The following UGGT2 variants were observed in gnomAD, a reference collection of about 807,000 sequenced individuals.
The protein encoded by UGGT2 is UDP-glucose glycoprotein glucosyltransferase 2.
UGGT2 carries 180 observed loss-of-function variants against 192.1 expected under a neutral mutation model. That is an observed-to-expected ratio of 0.94 (90% CI 0.83 to 1.06). The LOEUF is 1.06. Among genes scored for constraint, UGGT2 ranks in the 50% least tolerant of loss-of-function variants. UGGT2 has a pLI of 0.00. For synonymous variants in UGGT2, 580 were observed against 591.0 expected, an observed-to-expected ratio of 0.98 and a Z score of 0.27; for missense variants, 1,849 against 1,795.7, an observed-to-expected ratio of 1.03 and a Z score of -0.54.
At chr13:95,925,534 T>C in intron 20 of UGGT2, 146 bp downstream of exon 20, 1 of 561,660 alleles carries the variant, frequency 1.8e-6, no homozygotes, top group South Asian at 4.8e-5. Flanking sequence ...AGTTACCTGT[T>C]TTACATGAAG....
intron 20 of UGGT2, among the ~76,000 whole-genome samples, chr13:95,920,813 T>G (rs1001659310): frequency 6.6e-5 from 10 of 152,250 alleles, no homozygotes; most frequent in Non-Finnish European, 1.2e-4. Flanking sequence ...AATTACCATT[T>G]GACCCAGCAA....
intron 12 of UGGT2, among the ~76,000 whole-genome samples, chr13:95,963,412 AAGGC>A (rs921550968): frequency 1.3e-5 from 2 of 152,164 alleles, no homozygotes; most frequent in Non-Finnish European, 2.9e-5. Flanking sequence ...GCATAATATA[AAGGC>A]CAGAAATGAC....
chr13:96,044,122 T>G (rs1229621051), intron 1 of UGGT2, among the ~76,000 whole-genome samples: 2 of 152,004 alleles, frequency 1.3e-5, no homozygotes, highest in African/African-American at 2.4e-5. Flanking sequence ...AGGCCACAAA[T>G]CAAACCTCAA....
At chr13:95,931,767 C>T (rs867423834) in intron 17 of UGGT2, among the ~76,000 whole-genome samples, 4 of 152,284 alleles carry the variant, frequency 2.6e-5, no homozygotes, top group East Asian at 3.9e-4. Flanking sequence ...ACCCGGAACT[C>T]GCGCTGGCCC....
At chr13:96,028,603 C>A (rs1467930547) in intron 2 of UGGT2, among the ~76,000 whole-genome samples, 2 of 152,066 alleles carry the variant, frequency 1.3e-5, no homozygotes, top group African/African-American at 4.8e-5. Flanking sequence ...CAATTCATTG[C>A]TTAAAAAGTC....
rs577539224 is a variant in UGGT2 at position 95,913,620 on chromosome 13, C to T, written c.2296-10560G>A. ...TGGAGAGGATGTGGAGAAATAGGAA[C>T]GCTTTTACACTGTTGGTGTGAGTGT... On this transcript the variant is annotated intron_variant, in intron 20 of 38. Transcript: ENST00000376747. Among the ~76,000 whole-genome samples the T allele has an allele frequency of 1.7e-4, 26 of 152,296 alleles. No homozygotes were observed. The South Asian group carries it at 3.1e-3, about 18-fold the overall frequency.
chr13:96,004,542 T>C (rs2051909805), intron 5 of UGGT2, among the ~76,000 whole-genome samples: 1 of 152,234 alleles, frequency 6.6e-6, no homozygotes, highest in African/African-American at 2.4e-5. Flanking sequence ...TAATAATTTA[T>C]TGTTTTAGGG....
At chr13:95,961,184 G>C (rs151010912) in intron 12 of UGGT2, among the ~76,000 whole-genome samples, 8 of 151,864 alleles carry the variant, frequency 5.3e-5, no homozygotes, top group African/African-American at 1.9e-4. Context: ...GAGAGAGAGA[G>C]AGAAACAGAG....
intron 36 of UGGT2, among the ~76,000 whole-genome samples, chr13:95,840,901 G>C (rs1264925102): frequency 6.6e-6 from 1 of 152,164 alleles, no homozygotes; most frequent in Non-Finnish European, 1.5e-5. Flanking sequence ...GTCCTTTGCA[G>C]GATATGGATG....
intron 38 of UGGT2, among the ~76,000 whole-genome samples, chr13:95,807,716 C>CTTT: frequency 0.036 from 2,861 of 78,642 alleles, 393 homozygotes; most frequent in African/African-American, 0.13. Context: ...CAGCCCTCAC[C>CTTT]TTTTTTTTTT....
intron 4 of UGGT2, among the ~76,000 whole-genome samples, chr13:96,018,690 A>C (rs1011198121): frequency 6.6e-5 from 10 of 152,000 alleles, no homozygotes; most frequent in African/African-American, 2.4e-4. Context: ...CAATGAGAAT[A>C]TCACATAGTA....
chr13:95,912,889 G>C (rs1324544373), intron 20 of UGGT2, among the ~76,000 whole-genome samples: 2 of 152,052 alleles, frequency 1.3e-5, no homozygotes, highest in Admixed American at 6.6e-5. Context: ...CCAAAACAGA[G>C]GTATAGACCA....
chr13:95,877,446 GA>G, intron 28 of UGGT2, 82 bp from the exon 29 acceptor site: 1 of 1,164,432 alleles, frequency 8.6e-7, no homozygotes, highest in South Asian at 1.6e-5. Context: ...AATGATCTAA[GA>G]AAGTATTTAT....
chr13:95,949,150 C>T (rs1283677141), intron 13 of UGGT2, among the ~76,000 whole-genome samples, 185 bp downstream of exon 13: 7 of 152,214 alleles, frequency 4.6e-5, no homozygotes, highest in African/African-American at 1.4e-4. Context: ...AGCATGAGAA[C>T]GGACTAATAC....
chr13:95,985,785 G>A (rs1720490370), intron 9 of UGGT2, among the ~76,000 whole-genome samples: 1 of 152,112 alleles, frequency 6.6e-6, no homozygotes, highest in South Asian at 2.1e-4. Flanking sequence ...CTATGCAAAT[G>A]TATTTCCTAT....
At chr13:95,971,157 G>A (rs969870287) in intron 11 of UGGT2, among the ~76,000 whole-genome samples, 50 of 152,290 alleles carry the variant, frequency 3.3e-4, no homozygotes, top group African/African-American at 1.2e-3. Context: ...GTAATGCAAT[G>A]ACTGAAAGGA....
chr13:95,952,647 C>T (rs2050102473), intron 12 of UGGT2, among the ~76,000 whole-genome samples: 1 of 152,048 alleles, frequency 6.6e-6, no homozygotes, highest in South Asian at 2.1e-4. Flanking sequence ...TATTTTGCAT[C>T]TATGATCTTA....
At position 95,904,468 on chromosome 13, in the gene UGGT2, C is replaced by A. The variant is rs918304372; in HGVS notation, c.2296-1408G>T. Among the ~76,000 whole-genome samples, 6 of 137,528 alleles carry A rather than the reference C, an allele frequency of 4.4e-5. No individual in the cohort carries two copies. The Admixed American group carries it at 4.4e-4, about 10-fold the overall frequency. The allele number at this position is 137,528 out of a possible 152,430, so 90.2% of individuals were successfully genotyped here. A position where few individuals can be genotyped will look rare whatever the true frequency, so the allele number is the denominator to read the frequency against. ...CCTCCCCCCCACCCCACAACAGTCC[C>A]CAGAGTGTGATGTTCCCCTTCCTGT... is the stretch of plus-strand genomic sequence containing the variant. On this transcript the variant is annotated intron_variant, in intron 20 of 38. Transcript: ENST00000376747.
At position 95,975,757 on chromosome 13, in the gene UGGT2, G is replaced by T. The variant is rs114848656; in HGVS notation, c.1093-3086C>A. Among the ~76,000 whole-genome samples, 1,165 of 152,182 alleles carry T rather than the reference G, an allele frequency of 7.7e-3. 16 individuals are homozygous for T. Among genetic ancestry groups the T allele is most frequent in the African/African-American group, 0.027 (1,116 of 41,548 alleles). ...CAATGTTAAAATGGTTTATAAACAT[G>T]TTTGGGTGTTCCTAAGGTGAAATGA... is the stretch of plus-strand genomic sequence containing the variant. On this transcript the variant is annotated intron_variant, in intron 10 of 38. Coordinates refer to ENST00000376747, the MANE Select transcript of UGGT2 (RefSeq NM_020121.4).
Sources: allele counts gnomAD v4.1 joint callset (sites outside exome capture counted in the v4.1 genomes callset), GRCh38; gene constraint gnomAD v4.1.1; transcripts MANE v1.5; gene names NCBI Gene and HGNC (gene_info 2026-07-23, HGNC 2026-07-21).